HDAC9: variants seen among roughly 807,000 people sequenced by gnomAD.
HDAC9 encodes the protein histone deacetylase 9, also known as MEF-2 interacting transcription repressor (MITR) protein.
HDAC9 carries 41 observed loss-of-function variants against 139.4 expected under a neutral mutation model. That is an observed-to-expected ratio of 0.29 (90% CI 0.23 to 0.38). HDAC9 has a LOEUF of 0.38. HDAC9 is among the 10% of genes least tolerant of loss of function. The probability of loss-of-function intolerance (pLI) is 1.00; values close to 1 mark genes in which losing one functional copy is unlikely to be tolerated. For synonymous variants in HDAC9, 517 were observed against 476.2 expected, an observed-to-expected ratio of 1.09 and a Z score of -1.12; for missense variants, 1,147 against 1,297.0, an observed-to-expected ratio of 0.88 and a Z score of 1.78.
At chr7:18,634,819 G>C (rs1439796138) in intron 8 of HDAC9, 77 bp downstream of exon 8, 1 of 842,830 alleles carries the variant, frequency 1.2e-6, no homozygotes, top group African/African-American at 1.7e-5. Flanking sequence ...ATATTTCTGA[G>C]TTGACCTTCA....
chr7:18,338,313 C>T (rs190808749), intron 1 of HDAC9, among the ~76,000 whole-genome samples: 8 of 151,688 alleles, frequency 5.3e-5, no homozygotes, highest in Admixed American at 2.0e-4. Flanking sequence ...GAAATGACAA[C>T]GATGTTGCAG....
chr7:18,262,141 G>A (rs906579968), intron 2 of HDAC9, among the ~76,000 whole-genome samples: 4 of 152,154 alleles, frequency 2.6e-5, no homozygotes, highest in Non-Finnish European at 5.9e-5. Context: ...GCAATTAACT[G>A]CAAAGGGCTA....
At chr7:18,272,432 A>G (rs1325823831) in intron 2 of HDAC9, among the ~76,000 whole-genome samples, 1 of 152,178 alleles carries the variant, frequency 6.6e-6, no homozygotes, top group East Asian at 1.9e-4. Context: ...TACAATAAAT[A>G]TTTCCAGACC....
chr7:18,799,078 CACACACACACACACACA>C (rs1219702169), intron 17 of HDAC9, among the ~76,000 whole-genome samples: 1 of 150,592 alleles, frequency 6.6e-6, no homozygotes, highest in African/African-American at 2.5e-5. Context: ...CACACACACA[CACACACACACACACACA>C]GAGCCCCTCG....
intron 2 of HDAC9, among the ~76,000 whole-genome samples, chr7:18,258,735 T>C (rs1325913087): frequency 1.3e-5 from 2 of 152,120 alleles, no homozygotes; most frequent in South Asian, 2.1e-4. Flanking sequence ...TTCTGAAATA[T>C]AGCTTCTTGA....
chr7:18,555,479 G>A (rs1818515972), intron 2 of HDAC9, among the ~76,000 whole-genome samples: 1 of 152,106 alleles, frequency 6.6e-6, no homozygotes, highest in South Asian at 2.1e-4. Context: ...TAGATGTGAT[G>A]AAATTATTCT....
Position 18,464,847 on chromosome 7 carries a change from A to G in HDAC9, c.-41-31415A>G, listed in dbSNP as rs181179176. ...TCTGGACTTCAATTTATGTCCTCTA[A>G]GATTTAGTAGATTGTCAAACCTTTG... On this transcript the variant is annotated intron_variant, in intron 1 of 3. Coordinates refer to the HDAC9 transcript ENST00000413509. Among the ~76,000 whole-genome samples the G allele has an allele frequency of 1.2e-4, 18 of 152,134 alleles. 1 individual carries two copies. The East Asian group carries it at 3.5e-3, about 29-fold the overall frequency.
chr7:18,852,544 T>C (rs1367357944), intron 21 of HDAC9, among the ~76,000 whole-genome samples: 1 of 152,220 alleles, frequency 6.6e-6, no homozygotes, highest in African/African-American at 2.4e-5. Context: ...AAAAGGTCCA[T>C]GTGAGTGAGG....
intron 22 of HDAC9, among the ~76,000 whole-genome samples, chr7:18,882,983 A>G (rs755649659): frequency 2.5e-4 from 38 of 152,168 alleles, no homozygotes; most frequent in Admixed American, 2.4e-3. Context: ...AAGTGCCTGC[A>G]TTTCACATTT....
chr7:18,989,988 C>G (rs1232733981), intron 25 of HDAC9, among the ~76,000 whole-genome samples: 1 of 151,778 alleles, frequency 6.6e-6, no homozygotes, highest in East Asian at 1.9e-4. Flanking sequence ...ACTTCTTTGC[C>G]TTTCGTTTGA....
intron 13 of HDAC9, among the ~76,000 whole-genome samples, chr7:18,733,197 A>C (rs1223132372): frequency 1.3e-5 from 2 of 148,436 alleles, no homozygotes; most frequent in Admixed American, 6.7e-5. Context: ...ACATATATAC[A>C]CGTGTATACA....
At chr7:18,325,752 A>T (rs1322845545) in intron 1 of HDAC9, among the ~76,000 whole-genome samples, 1 of 152,124 alleles carries the variant, frequency 6.6e-6, no homozygotes, top group Admixed American at 6.6e-5. Context: ...GATAGACCAT[A>T]TATATGATTA....
At chr7:18,534,064 T>TCTG (rs1809989519) in intron 2 of HDAC9, among the ~76,000 whole-genome samples, 1 of 152,228 alleles carries the variant, frequency 6.6e-6, no homozygotes, top group African/African-American at 2.4e-5. Flanking sequence ...ATACTTTTTC[T>TCTG]CTGCTCTCCT....
intron 1 of HDAC9, among the ~76,000 whole-genome samples, chr7:18,401,780 T>G (rs1787566581): frequency 6.6e-6 from 1 of 152,184 alleles, no homozygotes; most frequent in Non-Finnish European, 1.5e-5. Flanking sequence ...TTACTACTCA[T>G]AGTTCACAAT....
At chr7:18,715,258 G>C (rs560329609) in intron 12 of HDAC9, among the ~76,000 whole-genome samples, 19 of 150,498 alleles carry the variant, frequency 1.3e-4, no homozygotes, top group African/African-American at 4.6e-4. Flanking sequence ...TTTTTTTAAA[G>C]CGGATACTTC....
At chr7:18,869,476 C>G (rs1798750564) in intron 21 of HDAC9, among the ~76,000 whole-genome samples, 1 of 152,064 alleles carries the variant, frequency 6.6e-6, no homozygotes, top group Non-Finnish European at 1.5e-5. Flanking sequence ...CTAGCAGATG[C>G]CAGCATCATG....
In HDAC9 at chr7:18,672,220, C is replaced by G. The variant is rs74723166; in HGVS notation, c.1731+5744C>G. ...TCCACATCTTCTCCATTTGTTATTT[C>G]CCCTGCCTTATTGATGGTAGCCATC... On this transcript the variant is annotated intron_variant, in intron 12 of 25. Transcript: ENST00000686413. Among the ~76,000 whole-genome samples the G allele has an allele frequency of 7.8e-3, 1,181 of 152,034 alleles. 12 individuals are homozygous for G. The highest frequency in any genetic ancestry group is 0.027 in the African/African-American group (1,124 of 41,528).
At chr7:18,231,292 G>C (rs1793443998) in intron 2 of HDAC9, among the ~76,000 whole-genome samples, 1 of 152,194 alleles carries the variant, frequency 6.6e-6, no homozygotes, top group African/African-American at 2.4e-5. Flanking sequence ...ATGTTCAGTT[G>C]TGGAAGATTT....
chr7:18,605,102 G>T (rs1300946243), intron 6 of HDAC9, among the ~76,000 whole-genome samples: 3 of 152,140 alleles, frequency 2.0e-5, no homozygotes, highest in Non-Finnish European at 4.4e-5. Context: ...AGAGTCTTCA[G>T]TTTTCTCTAG....
Sources: gnomAD v4.1 joint callset for allele counts (sites outside exome capture counted in the v4.1 genomes callset) on GRCh38, gnomAD v4.1.1 for gene constraint, MANE v1.5 for transcripts, NCBI Gene and HGNC (gene_info 2026-07-23, HGNC 2026-07-21) for gene names.